Variants in RSU1 observed in about 807,000 individuals in gnomAD.
RSU1 encodes Ras suppressor protein 1, also known as rsu-1.
Under a neutral mutation model 31.1 loss-of-function variants are expected in RSU1, and 26 were observed. That is an observed-to-expected ratio of 0.84 (90% CI 0.61 to 1.16). RSU1 has a LOEUF of 1.16. RSU1 is among the 50% of genes most tolerant of loss of function. The pLI, the probability that RSU1 is intolerant of heterozygous loss-of-function variation, is 0.00. For missense variants in RSU1, 320 were observed against 339.1 expected (o/e 0.94, Z 0.44); for synonymous variants, 164 against 136.3 (o/e 1.20, Z -1.41).
chr10:16,675,204 A>C (rs990453550), intron 8 of RSU1, among the ~76,000 whole-genome samples: 3 of 150,018 alleles, frequency 2.0e-5, no homozygotes, highest in Non-Finnish European at 4.4e-5. Flanking sequence ...CTGTCTCAAA[A>C]AAAAAAAAAA....
Position 16,817,066 on chromosome 10 carries a change from T to C in RSU1, c.16A>G (p.Lys6Glu), listed in dbSNP as rs755237816. 1 of 1,613,780 alleles carries C rather than the reference T, an allele frequency of 6.2e-7. No individual in the cohort carries two copies. Among genetic ancestry groups the C allele is most frequent in the Non-Finnish European group, 8.5e-7 (1 of 1,179,640 alleles). The change falls in exon 2 of 9, where the codon AAG becomes GAG. Residue 6 changes from lysine to glutamate, a missense_variant. By Grantham distance (56) the Lys-to-Glu change is moderately conservative. Transcript: ENST00000345264. MSKSL[K>E]KLVEESREKN... ...TCCCGGCTCTCCTCCACCAACTTCT[T>C]CAGAGACTTGGACATGGTCTGCACC...
At chr10:16,725,456 C>T (rs1444172191) in intron 7 of RSU1, among the ~76,000 whole-genome samples, 1 of 152,160 alleles carries the variant, frequency 6.6e-6, no homozygotes, top group Non-Finnish European at 1.5e-5. Flanking sequence ...TCTGTTCCCT[C>T]TACAATTCAA....
In RSU1 at chr10:16,596,833, G is replaced by A. The variant is rs566603812; in HGVS notation, c.732-3337C>T. On this transcript the variant is annotated intron_variant, in intron 8 of 8. Transcript: ENST00000345264. Reference sequence around the variant, plus strand: ...TGCCTCCCGAGTTCAAGTGATTCTCGTGCCTCAGTCTCCCAAGTAGCTGGA... The same window carrying A: ...TGCCTCCCGAGTTCAAGTGATTCTCATGCCTCAGTCTCCCAAGTAGCTGGA... 8.3e-4 allele frequency among the ~76,000 whole-genome samples: 127 copies of A among 152,138 alleles called. 2 individuals are homozygous for A. The highest frequency in any genetic ancestry group is 3.2e-3 in the Admixed American group (49 of 15,280).
intron 8 of RSU1, among the ~76,000 whole-genome samples, chr10:16,694,726 A>C (rs1427076301): frequency 2.0e-5 from 3 of 151,976 alleles, no homozygotes. Context: ...ATGCACTACC[A>C]TGCCTGGATA....
chr10:16,682,074 GCTAC>G (rs1302030205), intron 8 of RSU1, among the ~76,000 whole-genome samples: 1 of 152,136 alleles, frequency 6.6e-6, no homozygotes, highest in African/African-American at 2.4e-5. Context: ...GCCTCTTGAT[GCTAC>G]CCACCAATCC....
chr10:16,612,428 C>T (rs6602136), intron 8 of RSU1, among the ~76,000 whole-genome samples: 44,832 of 152,028 alleles, frequency 0.29, 9,935 homozygotes, highest in African/African-American at 0.63. Flanking sequence ...GAGGAAGGTG[C>T]AAACTCTTTT....
rs11591753 is a variant in RSU1, at chr10:16,633,865, G to A, written c.732-40369C>T. The stretch of plus-strand genomic sequence containing the variant: ...CAGGATCTCACAACCCCTGGACCCC[G>A]AAGGGTGACCGAGACCGATTGGACA... On this transcript the variant is annotated intron_variant, in intron 8 of 8. Coordinates refer to ENST00000345264, the MANE Select transcript of RSU1 (RefSeq NM_012425.4). Among the ~76,000 whole-genome samples, 688 of 152,208 alleles carry A rather than the reference G, an allele frequency of 4.5e-3. 6 individuals carry two copies. Among genetic ancestry groups the A allele is most frequent in the South Asian group, 6.4e-3 (31 of 4,814 alleles).
chr10:16,743,503 T>C (rs761387808), intron 7 of RSU1, among the ~76,000 whole-genome samples: 4 of 152,244 alleles, frequency 2.6e-5, no homozygotes, highest in African/African-American at 4.8e-5. Flanking sequence ...GATATGTCTG[T>C]AATTATATCT....
intron 8 of RSU1, among the ~76,000 whole-genome samples, chr10:16,640,615 C>T (rs1299972547): frequency 6.6e-6 from 1 of 152,254 alleles, no homozygotes; most frequent in Non-Finnish European, 1.5e-5. Flanking sequence ...GTCAATTTCT[C>T]AAATGGGCCT....
intron 8 of RSU1, among the ~76,000 whole-genome samples, chr10:16,649,857 A>AGCAG (rs373959171): frequency 0.19 from 29,615 of 152,092 alleles, 3,531 homozygotes; most frequent in South Asian, 0.36. Flanking sequence ...CCATTCATAC[A>AGCAG]GCAATAAAGT....
intron 8 of RSU1, among the ~76,000 whole-genome samples, chr10:16,673,454 A>G (rs1195855090): frequency 6.6e-6 from 1 of 150,688 alleles, no homozygotes. Context: ...TCAACACTTA[A>G]TTAACAATGG....
intron 7 of RSU1, among the ~76,000 whole-genome samples, chr10:16,744,485 C>T (rs1348339472): frequency 2.6e-5 from 4 of 152,186 alleles, no homozygotes; most frequent in Non-Finnish European, 1.5e-5. Flanking sequence ...AATGTTGTCA[C>T]TTGCAGAGAG....
At chr10:16,607,668 G>A (rs1371271516) in intron 8 of RSU1, among the ~76,000 whole-genome samples, 1 of 152,188 alleles carries the variant, frequency 6.6e-6, no homozygotes, top group African/African-American at 2.4e-5. Flanking sequence ...AGCACTCCAG[G>A]CAAAGGATTC....
At position 16,751,557 on chromosome 10, in the gene RSU1, G is replaced by A. The variant is rs1055029490; in HGVS notation, c.598+982C>T. 3.3e-5 allele frequency among the ~76,000 whole-genome samples: 5 copies of A among 152,150 alleles called. No individual in the cohort carries two copies. In the South Asian group the frequency reaches 1.0e-3, roughly 31 times the overall value. Reference sequence around the variant, plus strand: ...ACCTTCCTAACGTCCTGTCATCCAAGGTCCTTGCTTCATTAATTCATTCAG... The same window carrying A: ...ACCTTCCTAACGTCCTGTCATCCAAAGTCCTTGCTTCATTAATTCATTCAG... On this transcript the variant is annotated intron_variant, in intron 7 of 8. Transcript: ENST00000345264.
At chr10:16,597,747 T>G (rs1011468756) in intron 8 of RSU1, among the ~76,000 whole-genome samples, 1 of 152,206 alleles carries the variant, frequency 6.6e-6, no homozygotes, top group Non-Finnish European at 1.5e-5. Context: ...CTATCAACAC[T>G]AAATCCCCAA....
intron 7 of RSU1, among the ~76,000 whole-genome samples, chr10:16,708,279 T>C (rs1415659199): frequency 6.6e-6 from 1 of 152,208 alleles, no homozygotes; most frequent in African/African-American, 2.4e-5. Flanking sequence ...AGAGAAAATG[T>C]CATTAAGAAA....
chr10:16,761,773 C>T (rs6602155), intron 4 of RSU1, among the ~76,000 whole-genome samples: 22,138 of 151,976 alleles, frequency 0.15, 4,536 homozygotes, highest in African/African-American at 0.46. Context: ...GGAGAATCTC[C>T]TGAACTCAGG....
chr10:16,695,341 C>A (rs1353124182), intron 7 of RSU1, among the ~76,000 whole-genome samples, 186 bp from the exon 8 acceptor site: 1 of 151,824 alleles, frequency 6.6e-6, no homozygotes, highest in Non-Finnish European at 1.5e-5. Flanking sequence ...AGTACCTTGG[C>A]CCCAGAAATT....
At chr10:16,764,320 C>A in intron 4 of RSU1, 70 bp downstream of exon 4, 1 of 1,469,248 alleles carries the variant, frequency 6.8e-7, no homozygotes, top group Non-Finnish European at 9.1e-7. Flanking sequence ...AGGAATCCCT[C>A]CCCTGGCCTT....
Sources: allele counts gnomAD v4.1 joint callset (sites outside exome capture counted in the v4.1 genomes callset), GRCh38; gene constraint gnomAD v4.1.1; transcripts MANE v1.5; gene names NCBI Gene and HGNC (gene_info 2026-07-23, HGNC 2026-07-21).